RNF150: variants seen among roughly 807,000 people sequenced by gnomAD.
RNF150 encodes ring finger protein 150.
RNF150 carries 24 observed loss-of-function variants against 39.3 expected under a neutral mutation model. The ratio of observed to expected loss-of-function variants is 0.61; its 90% CI spans 0.44 to 0.86. The LOEUF is 0.86. RNF150 is among the 40% of genes least tolerant of loss of function. RNF150 has a pLI of 0.00. For missense variants in RNF150, 502 were observed against 587.8 expected, an observed-to-expected ratio of 0.85 and a Z score of 1.51; for synonymous variants, 255 against 227.3, an observed-to-expected ratio of 1.12 and a Z score of -1.10.
chr4:140,906,254 C>A (rs746024259), intron 6 of RNF150, among the ~76,000 whole-genome samples: 4 of 151,816 alleles, frequency 2.6e-5, no homozygotes, highest in Non-Finnish European at 5.9e-5. Context: ...TAGAATGGTC[C>A]CCCACATCTG....
intron 1 of RNF150, among the ~76,000 whole-genome samples, chr4:141,194,232 T>G (rs899391164): frequency 2.0e-5 from 3 of 152,200 alleles, no homozygotes; most frequent in Non-Finnish European, 2.9e-5. Flanking sequence ...TGAATACAAC[T>G]GGAGATATAG....
At chr4:140,938,760 T>G (rs1035877058) in intron 4 of RNF150, among the ~76,000 whole-genome samples, 5 of 152,208 alleles carry the variant, frequency 3.3e-5, no homozygotes, top group Non-Finnish European at 7.3e-5. Flanking sequence ...TCATGTGCTT[T>G]ACACTAAATG....
At chr4:141,055,191 T>C (rs1051095511) in intron 1 of RNF150, among the ~76,000 whole-genome samples, 3 of 152,086 alleles carry the variant, frequency 2.0e-5, no homozygotes, top group Admixed American at 6.6e-5. Context: ...AGTTAGAAGA[T>C]TGAAATAGGA....
chr4:141,049,716 T>C (rs1354300363), intron 1 of RNF150, among the ~76,000 whole-genome samples: 3 of 152,188 alleles, frequency 2.0e-5, no homozygotes, highest in Non-Finnish European at 4.4e-5. Context: ...GAAAACAGTA[T>C]GTTCAGTGAT....
chr4:141,191,369 T>C (rs1042318783), intron 1 of RNF150, among the ~76,000 whole-genome samples: 1 of 152,228 alleles, frequency 6.6e-6, no homozygotes, highest in Non-Finnish European at 1.5e-5. Flanking sequence ...ACCTCAATCC[T>C]TTGCCCAAGT....
chr4:140,981,777 A>G (rs1733868425), intron 1 of RNF150, among the ~76,000 whole-genome samples: 1 of 152,200 alleles, frequency 6.6e-6, no homozygotes, highest in Admixed American at 6.5e-5. Context: ...GAGACAGAAT[A>G]TCACAAGTAG....
At position 141,008,311 on chromosome 4, in the gene RNF150, T is replaced by A. The variant is rs1243474781; in HGVS notation, c.485-40438A>T. ...TTTCTTACTAATTTGTATCCATTCT[T>A]TAATCTGTATATGTCTTTTATTGGA... On this transcript the variant is annotated intron_variant, in intron 1 of 6. Coordinates refer to ENST00000515673, the MANE Select transcript of RNF150 (RefSeq NM_020724.2). Among the ~76,000 whole-genome samples, 2 of 150,962 alleles carry A rather than the reference T, an allele frequency of 1.3e-5. 1 individual carries two copies. Among genetic ancestry groups the A allele is most frequent in the Admixed American group, 1.3e-4 (2 of 15,252 alleles).
At chr4:140,898,774 C>A (rs555788941) in intron 6 of RNF150, among the ~76,000 whole-genome samples, 1 of 101,790 alleles carries the variant, frequency 9.8e-6, no homozygotes, top group East Asian at 6.9e-4. Flanking sequence ...TATTTTCTAA[C>A]TCCTATTTAA....
chr4:140,872,928 T>G (rs1371012465), intron 6 of RNF150, among the ~76,000 whole-genome samples: 2 of 152,172 alleles, frequency 1.3e-5, no homozygotes, highest in Non-Finnish European at 2.9e-5. Flanking sequence ...ACAGAGAAGG[T>G]ATTTTAAACC....
At chr4:141,152,929 C>T (rs971886000) in intron 1 of RNF150, among the ~76,000 whole-genome samples, 2 of 152,096 alleles carry the variant, frequency 1.3e-5, no homozygotes, top group Admixed American at 1.3e-4. Context: ...TTTGCTGCAC[C>T]TATCAACCCA....
intron 1 of RNF150, among the ~76,000 whole-genome samples, chr4:141,045,807 G>T (rs1247323971): frequency 6.6e-6 from 1 of 152,068 alleles, no homozygotes; most frequent in East Asian, 1.9e-4. Context: ...GCCTCTCAAA[G>T]TGCTGAGATT....
At chr4:140,917,071 C>A (rs1302568617) in intron 5 of RNF150, among the ~76,000 whole-genome samples, 1 of 152,186 alleles carries the variant, frequency 6.6e-6, no homozygotes, top group East Asian at 1.9e-4. Context: ...ACAACTGGTA[C>A]TAGCCACTGC....
intron 1 of RNF150, among the ~76,000 whole-genome samples, chr4:141,174,383 A>T (rs1319758643): frequency 6.6e-6 from 1 of 152,124 alleles, no homozygotes; most frequent in Non-Finnish European, 1.5e-5. Flanking sequence ...CCAAGTGTTA[A>T]TACCATGGAG....
At position 140,911,153 on chromosome 4, in the gene RNF150, T is replaced by C. The variant is rs1249845415; in HGVS notation, c.1189A>G (p.Thr397Ala). The change falls in exon 6 of 7, where the codon ACT becomes GCT. Residue 397 changes from threonine (T) to alanine (A), a missense_variant. By Grantham distance (58) the Thr-to-Ala change is moderately conservative. Transcript: ENST00000515673. The part of the protein sequence containing the change: ...PIPQEGDVIF[T>A]TNSEQEPAVS... ...GTATGGCAGAACTCACTGTTAGTAG[T>C]AAAGATGACGTCTCCCTCCTGGGGG... 1.9e-6 allele frequency: 3 copies of C among 1,613,356 alleles called. No homozygotes were observed. In the South Asian group the frequency reaches 3.3e-5, roughly 18 times the overall value.
Position 140,881,649 on chromosome 4 carries a change from A to G in RNF150, c.1199-13270T>C, listed in dbSNP as rs201742060. The stretch of plus-strand genomic sequence containing the variant: ...CAGTCCTTTGGGAGGCCAAGGTGGG[A>G]GGATTGCTTGAACCCAGGAGTTTGA... On this transcript the variant is annotated intron_variant, in intron 6 of 6. Transcript: ENST00000515673. Among the ~76,000 whole-genome samples, 146 of 152,168 alleles carry G rather than the reference A, an allele frequency of 9.6e-4. No individual in the cohort carries two copies. The East Asian group carries it at 0.023, about 24-fold the overall frequency.
At chr4:141,152,023 G>A (rs1252724904) in intron 1 of RNF150, among the ~76,000 whole-genome samples, 1 of 152,012 alleles carries the variant, frequency 6.6e-6, no homozygotes, top group Non-Finnish European at 1.5e-5. Context: ...AAAAAAATGT[G>A]GAGTTCAGTA....
chr4:140,991,236 C>T (rs1734187986), intron 1 of RNF150, among the ~76,000 whole-genome samples: 1 of 151,994 alleles, frequency 6.6e-6, no homozygotes, highest in South Asian at 2.1e-4. Flanking sequence ...CTTGTAGATT[C>T]TGGATATTAG....
intron 1 of RNF150, among the ~76,000 whole-genome samples, chr4:141,009,739 A>G (rs149264528): frequency 3.7e-4 from 57 of 152,294 alleles, no homozygotes; most frequent in Non-Finnish European, 6.8e-4. Flanking sequence ...ACAAACATCT[A>G]GTTTCTTTCC....
At chr4:141,023,871 A>G (rs10213645) in intron 1 of RNF150, among the ~76,000 whole-genome samples, 33,789 of 152,108 alleles carry the variant, frequency 0.22, 4,198 homozygotes, top group Middle Eastern at 0.42. Context: ...CATACATTCA[A>G]TCACTCATTT....
Sources: allele counts gnomAD v4.1 joint callset (sites outside exome capture counted in the v4.1 genomes callset), GRCh38; gene constraint gnomAD v4.1.1; transcripts MANE v1.5; gene names NCBI Gene and HGNC (gene_info 2026-07-23, HGNC 2026-07-21).